The following GPHN variants were observed in gnomAD, a reference collection of about 807,000 sequenced individuals.
The protein encoded by GPHN is gephyrin.
In GPHN, 17 loss-of-function variants were observed where a neutral mutation model predicts 95.5. That is an observed-to-expected ratio of 0.18 (90% CI 0.12 to 0.27). The LOEUF (loss-of-function observed/expected upper bound fraction) is 0.27. GPHN is among the 10% of genes least tolerant of loss of function. GPHN has a pLI of 1.00. For missense variants in GPHN, 660 were observed against 978.1 expected, an observed-to-expected ratio of 0.67 and a Z score of 4.34; for synonymous variants, 320 against 322.5, an observed-to-expected ratio of 0.99 and a Z score of 0.08.
chr14:66,526,619 C>T (rs1293652324), intron 1 of GPHN, among the ~76,000 whole-genome samples: 1 of 152,140 alleles, frequency 6.6e-6, no homozygotes, highest in Non-Finnish European at 1.5e-5. Context: ...GTGGGTTTGT[C>T]ATAAATAGCT....
the GPHN span, among the ~76,000 whole-genome samples, chr14:67,701,148 CG>C: frequency 6.6e-6 from 1 of 150,918 alleles, no homozygotes; most frequent in Non-Finnish European, 1.5e-5. Flanking sequence ...CGAACAACAA[CG>C]ATTCATGACT....
At position 66,990,409 on chromosome 14, in the gene GPHN, T is replaced by C. The variant is rs140146855; in HGVS notation, c.963+25084T>C. ...GAAAGAGTCAGAACCATGTTCCTTA[T>C]ACAATTGTATAATTTTCTGAGGATC... On this transcript the variant is annotated intron_variant, in intron 9 of 22. Transcript: ENST00000478722. 2.1e-3 allele frequency among the ~76,000 whole-genome samples: 320 copies of C among 152,322 alleles called. 1 individual carries two copies. The highest frequency in any genetic ancestry group is 7.2e-3 in the African/African-American group (301 of 41,580).
chr14:67,700,964 C>A, the GPHN span, among the ~76,000 whole-genome samples: 1 of 133,826 alleles, frequency 7.5e-6, no homozygotes, highest in African/African-American at 2.8e-5. Flanking sequence ...GCGGAGGTTG[C>A]AGTAAGCGGA....
chr14:66,791,502 A>G (rs2059968455), intron 3 of GPHN, among the ~76,000 whole-genome samples: 1 of 152,244 alleles, frequency 6.6e-6, no homozygotes, highest in Non-Finnish European at 1.5e-5. Context: ...AGTAAGGGGT[A>G]CATTATTCAT....
intron 8 of GPHN, among the ~76,000 whole-genome samples, chr14:66,933,119 C>T (rs1386830498): frequency 6.6e-6 from 1 of 152,216 alleles, no homozygotes; most frequent in Non-Finnish European, 1.5e-5. Context: ...AGTAGACTCA[C>T]ATGTTTATGT....
At chr14:66,573,384 G>A (rs957990651) in intron 1 of GPHN, among the ~76,000 whole-genome samples, 1 of 151,444 alleles carries the variant, frequency 6.6e-6, no homozygotes. Context: ...CTGATGTTGG[G>A]TGCATATAAA....
downstream of GPHN, among the ~76,000 whole-genome samples, chr14:67,184,610 C>T (rs1051703597): frequency 1.4e-4 from 22 of 151,938 alleles, no homozygotes; most frequent in African/African-American, 4.4e-4. Flanking sequence ...AAATGTTAAA[C>T]GTTAATAAAA....
chr14:67,432,617 G>C, the GPHN span, among the ~76,000 whole-genome samples: 1 of 152,164 alleles, frequency 6.6e-6, no homozygotes, highest in Non-Finnish European at 1.5e-5. Context: ...GGTGTTCTAG[G>C]GCTGCCATGA....
chr14:67,145,222 T>A (rs2080831297), intron 18 of GPHN, among the ~76,000 whole-genome samples: 1 of 152,238 alleles, frequency 6.6e-6, no homozygotes, highest in Non-Finnish European at 1.5e-5. Flanking sequence ...CTGATTAACC[T>A]AATTGTGGGA....
rs577086230 is a variant in GPHN, at chr14:66,920,367, A to G, written c.457-2299A>G. ...TATTTATTTATTTATTTTTAGAGAC[A>G]GAGTCTCACTGTGTCACCCTGGCTG... On this transcript the variant is annotated intron_variant, in intron 6 of 22. Coordinates refer to ENST00000478722, the MANE Select transcript of GPHN (RefSeq NM_020806.5). 2.0e-5 allele frequency among the ~76,000 whole-genome samples: 3 copies of G among 152,252 alleles called. No homozygotes were observed. The South Asian group carries it at 6.2e-4, about 32-fold the overall frequency.
chr14:67,262,824 A>C, the GPHN span, among the ~76,000 whole-genome samples: 1 of 152,164 alleles, frequency 6.6e-6, no homozygotes, highest in Non-Finnish European at 1.5e-5. Flanking sequence ...TTATTCTCCA[A>C]CTAGGCCATA....
At chr14:66,770,963 C>A (rs1407707057) in intron 2 of GPHN, among the ~76,000 whole-genome samples, 1 of 151,964 alleles carries the variant, frequency 6.6e-6, no homozygotes, top group Non-Finnish European at 1.5e-5. Context: ...TGGAACATAT[C>A]CCGTATAGAT....
chr14:67,572,097 T>C, the GPHN span: 3 of 1,583,946 alleles, frequency 1.9e-6, no homozygotes, highest in Non-Finnish European at 2.6e-6. Context: ...GTCGGGGAGG[T>C]GTGGGACCCG....
intron 1 of GPHN, among the ~76,000 whole-genome samples, chr14:66,584,106 C>T (rs1179393675): frequency 6.6e-6 from 1 of 152,080 alleles, no homozygotes; most frequent in African/African-American, 2.4e-5. Flanking sequence ...CTTCACATCC[C>T]TTGTAAGTTG....
At chr14:67,313,634 T>TA in the GPHN span, among the ~76,000 whole-genome samples, 1 of 152,100 alleles carries the variant, frequency 6.6e-6, no homozygotes, top group East Asian at 1.9e-4. Context: ...AAAATAGGGA[T>TA]ATAGAGTAAA....
chr14:66,805,604 C>A (rs1378144428), intron 3 of GPHN, among the ~76,000 whole-genome samples: 1 of 152,166 alleles, frequency 6.6e-6, no homozygotes, highest in Non-Finnish European at 1.5e-5. Context: ...TATACACATT[C>A]CAAATGGGGA....
the GPHN span, among the ~76,000 whole-genome samples, chr14:67,205,903 G>A: frequency 6.6e-6 from 1 of 152,206 alleles, no homozygotes; most frequent in Non-Finnish European, 1.5e-5. Context: ...ATAGAAAAAA[G>A]TCTGGTGCAG....
At chr14:67,120,988 A>G (rs1376061293) in intron 16 of GPHN, among the ~76,000 whole-genome samples, 2 of 152,194 alleles carry the variant, frequency 1.3e-5, no homozygotes, top group African/African-American at 4.8e-5. Context: ...CTGGCCACAT[A>G]CTATCACTAA....
chr14:67,023,925 T>C (rs2073795328), intron 10 of GPHN, among the ~76,000 whole-genome samples: 2 of 152,184 alleles, frequency 1.3e-5, no homozygotes, highest in Non-Finnish European at 2.9e-5. Flanking sequence ...TGAGCTCCTC[T>C]GTGACTCTGA....
Sources: allele counts gnomAD v4.1 joint callset (sites outside exome capture counted in the v4.1 genomes callset), GRCh38; gene constraint gnomAD v4.1.1; transcripts MANE v1.5; gene names NCBI Gene and HGNC (gene_info 2026-07-23, HGNC 2026-07-21).